Variants in KDM4C observed in about 807,000 individuals in gnomAD.
The protein encoded by KDM4C is lysine demethylase 4C.
KDM4C carries 81 observed loss-of-function variants against 129.3 expected under a neutral mutation model. The observed-to-expected ratio is 0.63, with a 90% confidence interval of 0.52 to 0.75. KDM4C has a LOEUF of 0.75. Among genes scored for constraint, KDM4C ranks in the 30% least tolerant of loss-of-function variants. The pLI, the probability that KDM4C is intolerant of heterozygous loss-of-function variation, is 0.00. For missense variants in KDM4C, 1,457 were observed against 1,304.0 expected, an observed-to-expected ratio of 1.12 and a Z score of -1.81; for synonymous variants, 573 against 456.1, an observed-to-expected ratio of 1.26 and a Z score of -3.26.
At chr9:6,736,712 G>A (rs1169598354) in intron 1 of KDM4C, among the ~76,000 whole-genome samples, 1 of 152,076 alleles carries the variant, frequency 6.6e-6, no homozygotes, top group Non-Finnish European at 1.5e-5. Context: ...TCCTAGATCT[G>A]AAAAAGAACT....
At chr9:6,795,450 G>A (rs1827552456) in intron 2 of KDM4C, among the ~76,000 whole-genome samples, 1 of 152,190 alleles carries the variant, frequency 6.6e-6, no homozygotes, top group African/African-American at 2.4e-5. Context: ...TCCTGCCTCA[G>A]CCTCCTGAAT....
intron 5 of KDM4C, among the ~76,000 whole-genome samples, chr9:6,869,201 A>G (rs1414173605): frequency 6.6e-6 from 1 of 152,202 alleles, no homozygotes; most frequent in Non-Finnish European, 1.5e-5. Context: ...GACTGCCTGC[A>G]CATATGGTTG....
At chr9:6,772,456 C>G (rs1370238429) in intron 1 of KDM4C, among the ~76,000 whole-genome samples, 1 of 151,940 alleles carries the variant, frequency 6.6e-6, no homozygotes, top group Admixed American at 6.6e-5. Context: ...CCGCCTCCTG[C>G]GTTCAAGCGA....
chr9:6,818,599 T>C (rs993933824), intron 4 of KDM4C, among the ~76,000 whole-genome samples: 7 of 152,258 alleles, frequency 4.6e-5, no homozygotes, highest in African/African-American at 1.2e-4. Flanking sequence ...TTGAAAACAT[T>C]TGTGTGGGTC....
At chr9:7,010,276 G>A (rs536781322) in intron 12 of KDM4C, among the ~76,000 whole-genome samples, 1 of 152,126 alleles carries the variant, frequency 6.6e-6, no homozygotes, top group Non-Finnish European at 1.5e-5. Flanking sequence ...CTACCCATGG[G>A]TGAATACCAA....
chr9:6,736,951 G>A lies in KDM4C; in HGVS notation c.49+15954G>A, dbSNP rs140835771. On this transcript the variant is annotated intron_variant, in intron 1 of 17. Coordinates refer to the KDM4C transcript ENST00000536108. ...ATGTAGTCCCAGATACTTGGGAGGC[G>A]GAGGCACAAGTATCGCTTGAACCTG... 8.8e-3 allele frequency among the ~76,000 whole-genome samples: 1,327 copies of A among 151,102 alleles called. 15 individuals carry two copies. Among genetic ancestry groups the A allele is most frequent in the Non-Finnish European group, 0.014 (958 of 67,784 alleles).
intron 17 of KDM4C, among the ~76,000 whole-genome samples, chr9:7,079,990 CA>C (rs1270046562): frequency 6.6e-6 from 1 of 151,588 alleles, no homozygotes; most frequent in Non-Finnish European, 1.5e-5. Flanking sequence ...GCTTTGAGGG[CA>C]AGTCTCAAAA....
At chr9:7,145,772 GGA>G (rs1349793810) in intron 19 of KDM4C, among the ~76,000 whole-genome samples, 1 of 152,336 alleles carries the variant, frequency 6.6e-6, no homozygotes, top group East Asian at 1.9e-4. Flanking sequence ...ACATGTTTGT[GGA>G]GAGGTCTCAA....
At chr9:7,055,419 A>T (rs1295190740) in intron 17 of KDM4C, among the ~76,000 whole-genome samples, 1 of 152,246 alleles carries the variant, frequency 6.6e-6, no homozygotes, top group Non-Finnish European at 1.5e-5. Context: ...GCCCAGGCAC[A>T]AGTGTTCTCT....
intron 8 of KDM4C, among the ~76,000 whole-genome samples, chr9:6,940,291 A>G (rs976085786): frequency 6.6e-6 from 1 of 152,012 alleles, no homozygotes; most frequent in Admixed American, 6.6e-5. Flanking sequence ...GAGTTTTGCC[A>G]TGTTGCCCAG....
intron 18 of KDM4C, chr9:7,104,158 T>C (rs1837420817): frequency 5.6e-6 from 2 of 354,352 alleles, no homozygotes; most frequent in Admixed American, 7.5e-5. Context: ...GTGTTGGATC[T>C]GTACACAGGG....
chr9:6,760,275 C>G (rs927780240), intron 1 of KDM4C, among the ~76,000 whole-genome samples: 13 of 151,928 alleles, frequency 8.6e-5, no homozygotes, highest in Admixed American at 2.0e-4. Context: ...ATGTTGCAGC[C>G]TGTATCAGTA....
intron 7 of KDM4C, among the ~76,000 whole-genome samples, chr9:6,889,882 G>C (rs1845874838): frequency 6.6e-6 from 1 of 152,182 alleles, no homozygotes. Flanking sequence ...CTCTTTTCTA[G>C]AGGTGCCTGG....
At position 6,948,516 on chromosome 9, in the gene KDM4C, TGGGTGTTTCTCGCA is replaced by T. The variant is rs1827389579; in HGVS notation, c.922-32407_922-32394del. Among the ~76,000 whole-genome samples, 3 of 150,538 alleles carry T rather than the reference TGGGTGTTTCTCGCA, an allele frequency of 2.0e-5. No homozygotes were observed. The South Asian group carries it at 6.5e-4, about 32-fold the overall frequency. On this transcript the variant is annotated intron_variant, in intron 8 of 21. Transcript: ENST00000381309. Reference sequence around the variant, plus strand: ...TTTTTTTTTTTTAATTGATCATTCTTGGGTGTTTCTCGCAGAGGGGGATTTGGCAGGGTCATAGG... The same window carrying T: ...TTTTTTTTTTTTAATTGATCATTCTTGAGGGGGATTTGGCAGGGTCATAGG...
intron 8 of KDM4C, among the ~76,000 whole-genome samples, chr9:6,940,160 T>C (rs1267637762): frequency 3.3e-5 from 5 of 152,008 alleles, no homozygotes; most frequent in Non-Finnish European, 7.4e-5. Context: ...GGTGCAGTAT[T>C]GGCTATTGCA....
intron 15 of KDM4C, among the ~76,000 whole-genome samples, chr9:7,037,036 G>A (rs1827776036): frequency 6.6e-6 from 1 of 152,106 alleles, no homozygotes. Flanking sequence ...CTGTCCTTCG[G>A]TGAGAGATCC....
chr9:6,881,911 C>G (rs1434843578), intron 6 of KDM4C, among the ~76,000 whole-genome samples: 4 of 152,154 alleles, frequency 2.6e-5, no homozygotes, highest in East Asian at 1.9e-4. Context: ...TTTAGAATGT[C>G]TAGCTGATAG....
intron 17 of KDM4C, among the ~76,000 whole-genome samples, chr9:7,053,849 T>C (rs1830531268): frequency 6.6e-6 from 1 of 152,202 alleles, no homozygotes; most frequent in Non-Finnish European, 1.5e-5. Flanking sequence ...GTCATCCTGT[T>C]ACAGGGCAGA....
Position 6,794,806 on chromosome 9 carries a change from T to A in KDM4C, c.144+1674T>A, listed in dbSNP as rs1827410743. On this transcript the variant is annotated intron_variant, in intron 2 of 21. Coordinates refer to ENST00000381309, the MANE Select transcript of KDM4C (RefSeq NM_015061.6). ...AGTGACATGCCCCGAGTCATAGGGG[T>A]GGTCAGTGAGGTGCTGAGAACTCAT... 2.0e-5 allele frequency among the ~76,000 whole-genome samples: 3 copies of A among 152,130 alleles called. No homozygotes were observed. The South Asian group carries it at 6.2e-4, about 32-fold the overall frequency.
Sources: allele counts gnomAD v4.1 joint callset (sites outside exome capture counted in the v4.1 genomes callset), GRCh38; gene constraint gnomAD v4.1.1; transcripts MANE v1.5; gene names NCBI Gene and HGNC (gene_info 2026-07-23, HGNC 2026-07-21).